AJAP1: variants seen among roughly 807,000 people sequenced by gnomAD.
The protein encoded by AJAP1 is adherens junction-associated protein 1.
AJAP1 carries 5 observed loss-of-function variants against 35.0 expected under a neutral mutation model. The ratio of observed to expected loss-of-function variants is 0.14; its 90% CI spans 0.07 to 0.30. The LOEUF is 0.30. AJAP1 is among the 10% of genes least tolerant of loss of function. AJAP1 has a pLI of 1.00. For missense variants in AJAP1, 586 were observed against 571.0 expected (o/e 1.03, Z -0.27); for synonymous variants, 284 against 249.3 (o/e 1.14, Z -1.31).
chr1:4,763,991 C>G (rs72859701), intron 2 of AJAP1, among the ~76,000 whole-genome samples: 1,830 of 152,102 alleles, frequency 0.012, 35 homozygotes, highest in African/African-American at 0.041. Context: ...TGTCCCTGCC[C>G]ACTGACCTGA....
At chr1:4,748,700 A>G (rs1416798983) in intron 2 of AJAP1, among the ~76,000 whole-genome samples, 4 of 142,796 alleles carry the variant, frequency 2.8e-5, no homozygotes, top group Admixed American at 7.3e-5. Context: ...GTTAGCCTAG[A>G]TTGTGCCACT....
At chr1:4,674,366 C>T (rs1002865821) in intron 1 of AJAP1, among the ~76,000 whole-genome samples, 3 of 152,232 alleles carry the variant, frequency 2.0e-5, no homozygotes, top group Non-Finnish European at 4.4e-5. Flanking sequence ...CACCATGGCC[C>T]TTGGCTGCCT....
At chr1:4,700,698 C>T (rs543019170) in intron 1 of AJAP1, among the ~76,000 whole-genome samples, 15 of 152,306 alleles carry the variant, frequency 9.8e-5, no homozygotes, top group South Asian at 2.1e-4. Context: ...GAACTTTGTC[C>T]GCACACGCAG....
At chr1:4,718,689 G>T (rs1373534746) in intron 2 of AJAP1, among the ~76,000 whole-genome samples, 1 of 152,024 alleles carries the variant, frequency 6.6e-6, no homozygotes, top group African/African-American at 2.4e-5. Context: ...CACTATGTTG[G>T]CCAGGATGGT....
chr1:4,709,010 G>A (rs1223618173), intron 1 of AJAP1, among the ~76,000 whole-genome samples: 3 of 152,236 alleles, frequency 2.0e-5, no homozygotes, highest in South Asian at 4.1e-4. Flanking sequence ...ACAGCTGGGT[G>A]TCTTAGAAAT....
intron 3 of AJAP1, among the ~76,000 whole-genome samples, chr1:4,771,399 C>A (rs1353546471): frequency 6.6e-6 from 1 of 152,178 alleles, no homozygotes; most frequent in Admixed American, 6.5e-5. Context: ...CTGCCCCTTG[C>A]CTTCGTGCAG....
chr1:4,748,687 G>T (rs1641250204), intron 2 of AJAP1, among the ~76,000 whole-genome samples: 1 of 148,590 alleles, frequency 6.7e-6, no homozygotes, highest in Non-Finnish European at 1.5e-5. Context: ...GGCTGAGGTT[G>T]CAGTTAGCCT....
intron 1 of AJAP1, among the ~76,000 whole-genome samples, chr1:4,672,740 A>T (rs974307533): frequency 2.6e-5 from 4 of 152,224 alleles, no homozygotes; most frequent in African/African-American, 9.6e-5. Flanking sequence ...AGCTGTGAGC[A>T]GGATGTGAAA....
intron 1 of AJAP1, among the ~76,000 whole-genome samples, chr1:4,698,521 GCCTTCCCCCT>G (rs1639917277): frequency 6.6e-6 from 1 of 152,160 alleles, no homozygotes; most frequent in South Asian, 2.1e-4. Context: ...GGCCAGGCCG[GCCTTCCCCCT>G]CCCGCCGAAA....
chr1:4,769,581 G>A (rs929822772), intron 2 of AJAP1, among the ~76,000 whole-genome samples: 1 of 152,204 alleles, frequency 6.6e-6, no homozygotes, highest in African/African-American at 2.4e-5. Flanking sequence ...TCCAGGTCAC[G>A]GCTTGGAGAC....
At chr1:4,717,265 T>G (rs553982908) in intron 2 of AJAP1, among the ~76,000 whole-genome samples, 19 of 152,190 alleles carry the variant, frequency 1.2e-4, no homozygotes, top group Non-Finnish European at 2.6e-4. Context: ...GAGTGCTTGG[T>G]GTACAGTTAG....
intron 2 of AJAP1, among the ~76,000 whole-genome samples, chr1:4,738,157 G>A (rs1640973866): frequency 1.3e-5 from 2 of 152,346 alleles, no homozygotes; most frequent in South Asian, 2.1e-4. Flanking sequence ...CAAAGCCCAG[G>A]CGTCCTTCAA....
intron 1 of AJAP1, among the ~76,000 whole-genome samples, chr1:4,691,346 C>T (rs950986964): frequency 7.9e-5 from 12 of 152,288 alleles, no homozygotes; most frequent in Middle Eastern, 6.8e-3. Flanking sequence ...GCACACTGAC[C>T]GCCTCCCTTT....
chr1:4,674,030 C>T (rs1231539967), intron 1 of AJAP1, among the ~76,000 whole-genome samples: 14 of 50,358 alleles, frequency 2.8e-4, no homozygotes, highest in Non-Finnish European at 3.3e-5. Context: ...ATAGGCTTAT[C>T]CCCCCCGCCA....
chr1:4,705,008 G>GT (rs1475057482), intron 1 of AJAP1, among the ~76,000 whole-genome samples: 2 of 152,078 alleles, frequency 1.3e-5, no homozygotes, highest in Non-Finnish European at 1.5e-5. Context: ...GGGGTTGTTT[G>GT]TTTTTTTCTT....
In AJAP1 at chr1:4,787,977, T is replaced by A. The variant is rs1337053470; in HGVS notation, c.*5492T>A. 1 of 328,562 alleles carries A rather than the reference T, an allele frequency of 3.0e-6. No homozygotes were observed. The highest frequency in any genetic ancestry group is 2.3e-5 in the South Asian group (1 of 43,308). 20.4% of individuals were successfully genotyped at this position (328,562 alleles called of 1,614,324 possible). Reference sequence around the variant, plus strand: ...TGGTTACTTTGGTGCAGTTTGTCAATTTGCTCTACCATACTGTTTTTTGAT... The same window carrying A: ...TGGTTACTTTGGTGCAGTTTGTCAAATTGCTCTACCATACTGTTTTTTGAT... On this transcript the variant is annotated 3_prime_UTR_variant, in exon 6 of 6. Coordinates refer to ENST00000378191, the MANE Select transcript of AJAP1 (RefSeq NM_018836.4).
In AJAP1 at chr1:4,752,899, A is replaced by G. The variant is rs1420760791; in HGVS notation, c.830-16954A>G. Among the ~76,000 whole-genome samples, 31 of 152,064 alleles carry G rather than the reference A, an allele frequency of 2.0e-4. 1 individual carries two copies. Among genetic ancestry groups the G allele is most frequent in the Admixed American group, 2.0e-3 (31 of 15,274 alleles). ...GCCTTGCAGAGCCCCCAAAGACACA[A>G]CCTGTTTTGCTCACACCTCCTCATG... On this transcript the variant is annotated intron_variant, in intron 2 of 5. Transcript: ENST00000378191.
At chr1:4,722,292 G>A (rs981265513) in intron 2 of AJAP1, among the ~76,000 whole-genome samples, 11 of 152,332 alleles carry the variant, frequency 7.2e-5, no homozygotes, top group Non-Finnish European at 1.2e-4. Flanking sequence ...ACCGAGCCGC[G>A]GGGCAGGTGC....
intron 2 of AJAP1, among the ~76,000 whole-genome samples, chr1:4,732,882 G>C (rs139274443): frequency 1.3e-5 from 2 of 152,152 alleles, no homozygotes; most frequent in Non-Finnish European, 2.9e-5. Flanking sequence ...TTCCCCTGAC[G>C]CTCTTGGGAG....
Sources: allele counts gnomAD v4.1 joint callset (sites outside exome capture counted in the v4.1 genomes callset), GRCh38; gene constraint gnomAD v4.1.1; transcripts MANE v1.5; gene names NCBI Gene and HGNC (gene_info 2026-07-23, HGNC 2026-07-21).